The following PDXDC1 variants were observed in gnomAD, a reference collection of about 807,000 sequenced individuals.
The protein encoded by PDXDC1 is pyridoxal-dependent decarboxylase domain-containing protein 1.
Under a neutral mutation model 100.1 loss-of-function variants are expected in PDXDC1, and 42 were observed. That is an observed-to-expected ratio of 0.42 (90% CI 0.33 to 0.54). The LOEUF (loss-of-function observed/expected upper bound fraction) is 0.54. Ranked by LOEUF, PDXDC1 falls within the 20% of genes least tolerant of loss-of-function variation. The probability of loss-of-function intolerance (pLI) is 0.10; values close to 1 mark genes in which losing one functional copy is unlikely to be tolerated. For missense variants in PDXDC1, 636 were observed against 979.2 expected, an observed-to-expected ratio of 0.65 and a Z score of 4.68; for synonymous variants, 260 against 371.7, an observed-to-expected ratio of 0.70 and a Z score of 3.46.
At chr16:15,139,702 G>T (rs192731403), downstream of PDXDC1, among the ~76,000 whole-genome samples, 1 of 152,234 alleles carries the variant, frequency 6.6e-6, no homozygotes, top group East Asian at 1.9e-4. Context: ...GATCGCTTGA[G>T]CCAGGGAGGT....
chr16:15,007,634 A>G (rs1299532184), intron 6 of PDXDC1, among the ~76,000 whole-genome samples: 2 of 152,272 alleles, frequency 1.3e-5, no homozygotes, highest in African/African-American at 4.8e-5. Flanking sequence ...AGGGGGATGT[A>G]TGGGAGACAC....
rs186928639 is a variant in PDXDC1, at chr16:15,047,831, T to A, written c.1399+17775T>A. On this transcript the variant is annotated intron_variant, in intron 16 of 16. Coordinates refer to the PDXDC1 transcript ENST00000535621. ...AAGGTTGGGTCAGTTTAAGTAATGG[T>A]TTCCTTCACCTCTCTCATCATACCT... 315 of 1,590,612 alleles carry A rather than the reference T, an allele frequency of 2.0e-4. 2 individuals are homozygous for A. In the African/African-American group the frequency reaches 3.8e-3, roughly 19 times the overall value.
chr16:15,039,945 T>TA (rs1175054672), downstream of PDXDC1: 2 of 1,421,052 alleles, frequency 1.4e-6, no homozygotes, highest in Admixed American at 1.9e-5. Flanking sequence ...TTTAACCCCT[T>TA]AACAAAGATG....
intron 16 of PDXDC1, chr16:15,047,584 C>T: frequency 1.4e-6 from 2 of 1,470,792 alleles, no homozygotes; most frequent in East Asian, 4.5e-5. Context: ...TCAAGTTATT[C>T]CCTGATGCGA....
downstream of PDXDC1, among the ~76,000 whole-genome samples, chr16:15,142,591 GGT>G (rs1014017572): frequency 1.3e-5 from 2 of 152,114 alleles, no homozygotes; most frequent in African/African-American, 4.8e-5. Flanking sequence ...GCAGGACTCA[GGT>G]GTGGGCTTCA....
At chr16:15,149,053 G>A in the PDXDC1 span, among the ~76,000 whole-genome samples, 2 of 152,218 alleles carry the variant, frequency 1.3e-5, no homozygotes, top group Non-Finnish European at 2.9e-5. Flanking sequence ...GGTGAGGCCA[G>A]CTGCACATGC....
At chr16:15,132,997 C>T (rs1486588780) in intron 16 of PDXDC1, 28 of 1,455,854 alleles carry the variant, frequency 1.9e-5, no homozygotes, top group East Asian at 4.7e-5. Context: ...GGCATTGACC[C>T]GCAACACTGA....
At chr16:15,015,831 G>A (rs1208304243) in intron 8 of PDXDC1, 1 of 545,234 alleles carries the variant, frequency 1.8e-6, no homozygotes, top group East Asian at 4.3e-5. Context: ...CACAATCTTG[G>A]TGGGAGATTT....
At chr16:15,144,402 AG>A in the PDXDC1 span, among the ~76,000 whole-genome samples, 2 of 152,122 alleles carry the variant, frequency 1.3e-5, no homozygotes, top group African/African-American at 2.4e-5. Flanking sequence ...AAAACAGTGC[AG>A]CCCCGGGCTG....
At chr16:14,993,674 G>C (rs62038552) in intron 1 of PDXDC1, among the ~76,000 whole-genome samples, 743 of 113,962 alleles carry the variant, frequency 6.5e-3, no homozygotes, top group East Asian at 0.035. Flanking sequence ...GGGATGGCTG[G>C]ATCAAATGGT....
In PDXDC1 at chr16:15,125,514, C is replaced by T. The variant is rs1333625500; in HGVS notation, c.1400-13365C>T. On this transcript the variant is annotated intron_variant, in intron 16 of 16. Transcript: ENST00000535621. ...CCCCCGGTACTCCAGACACAGTGACCTGCACCAGGGCTCGAGGTTTCTCTA... is the reference window on the plus strand; with the variant it reads ...CCCCCGGTACTCCAGACACAGTGACTTGCACCAGGGCTCGAGGTTTCTCTA... The T allele has an allele frequency of 3.4e-6, 5 of 1,490,976 alleles. No individual in the cohort carries two copies. In the East Asian group the frequency reaches 1.1e-4, roughly 34 times the overall value. 92.4% of individuals were successfully genotyped at this position (1,490,976 alleles called of 1,614,324 possible).
chr16:15,130,231 G>A (rs1473950855), intron 16 of PDXDC1: 4 of 1,550,724 alleles, frequency 2.6e-6, no homozygotes, highest in Non-Finnish European at 2.6e-6. Context: ...TGGCTTGGGG[G>A]CACGAAGAGG....
intron 16 of PDXDC1, among the ~76,000 whole-genome samples, chr16:15,128,715 C>T (rs1389544572): frequency 2.0e-5 from 3 of 152,136 alleles, no homozygotes; most frequent in Admixed American, 1.3e-4. Flanking sequence ...AACCAGTGAC[C>T]CGCACCACAC....
chr16:15,052,618 G>A (rs1478215053), intron 16 of PDXDC1, among the ~76,000 whole-genome samples: 6 of 152,204 alleles, frequency 3.9e-5, no homozygotes, highest in African/African-American at 1.2e-4. Context: ...ATGATCGCTT[G>A]AGGTCAGGAG....
At chr16:15,014,864 T>C (rs1458962885) in intron 8 of PDXDC1, among the ~76,000 whole-genome samples, 2 of 152,298 alleles carry the variant, frequency 1.3e-5, no homozygotes, top group Non-Finnish European at 1.5e-5. Flanking sequence ...CTTAATATGC[T>C]TAAGCTGGCT....
intron 16 of PDXDC1, among the ~76,000 whole-genome samples, chr16:15,072,015 C>T (rs897670596): frequency 1.4e-4 from 21 of 152,226 alleles, no homozygotes; most frequent in African/African-American, 4.6e-4. Flanking sequence ...CGGACTAACG[C>T]ACAGCTGGTA....
chr16:14,976,938 C>T (rs1966864710), intron 1 of PDXDC1: 1 of 152,304 alleles, frequency 6.6e-6, no homozygotes, highest in Admixed American at 6.5e-5. Flanking sequence ...AATTGGAATC[C>T]TGAAGAACTG....
intron 16 of PDXDC1, among the ~76,000 whole-genome samples, chr16:15,123,832 C>T (rs1451888719): frequency 7.7e-6 from 1 of 129,296 alleles, no homozygotes; most frequent in Non-Finnish European, 1.6e-5. Flanking sequence ...TGCCTTTCAA[C>T]TCAATGATGA....
intron 16 of PDXDC1, among the ~76,000 whole-genome samples, chr16:15,046,697 CAAAAAAAAA>C (rs9331444): frequency 2.3e-5 from 1 of 43,620 alleles, no homozygotes; most frequent in Non-Finnish European, 3.9e-5. Flanking sequence ...CTGTCTCTAC[CAAAAAAAAA>C]AAAAAAAAAA....
Sources: gnomAD v4.1 joint callset for allele counts (sites outside exome capture counted in the v4.1 genomes callset) on GRCh38, gnomAD v4.1.1 for gene constraint, MANE v1.5 for transcripts, NCBI Gene and HGNC (gene_info 2026-07-23, HGNC 2026-07-21) for gene names.